GRID1: variants seen among roughly 807,000 people sequenced by gnomAD.
GRID1 encodes the protein glutamate receptor ionotropic, delta-1.
GRID1 carries 28 observed loss-of-function variants against 98.0 expected under a neutral mutation model. The ratio of observed to expected loss-of-function variants is 0.29; its 90% CI spans 0.21 to 0.39. GRID1 has a LOEUF of 0.39. Among genes scored for constraint, GRID1 ranks in the 10% least tolerant of loss-of-function variants. The pLI, the probability that GRID1 is intolerant of heterozygous loss-of-function variation, is 1.00. For synonymous variants in GRID1, 553 were observed against 538.5 expected (o/e 1.03, Z -0.37); for missense variants, 1,111 against 1,340.5 (o/e 0.83, Z 2.67).
At chr10:86,170,876 A>T (rs959055893) in intron 3 of GRID1, among the ~76,000 whole-genome samples, 1 of 152,174 alleles carries the variant, frequency 6.6e-6, no homozygotes, top group African/African-American at 2.4e-5. Flanking sequence ...CATTTAAAAT[A>T]GCATGTTTAC....
chr10:85,851,537 A>T (rs1843058358), intron 8 of GRID1, among the ~76,000 whole-genome samples: 1 of 152,158 alleles, frequency 6.6e-6, no homozygotes, highest in African/African-American at 2.4e-5. Context: ...ACTTAATCTA[A>T]AATGTCTGGG....
intron 4 of GRID1, among the ~76,000 whole-genome samples, chr10:86,106,261 T>C (rs1009336559): frequency 6.6e-6 from 1 of 152,176 alleles, no homozygotes; most frequent in Non-Finnish European, 1.5e-5. Flanking sequence ...ACAGGAAACA[T>C]TAGGTAGGGT....
At chr10:86,233,270 C>A (rs1458843311) in intron 2 of GRID1, among the ~76,000 whole-genome samples, 2 of 151,970 alleles carry the variant, frequency 1.3e-5, no homozygotes, top group Non-Finnish European at 2.9e-5. Flanking sequence ...AGAAGACTAG[C>A]ACTCATATTA....
intron 8 of GRID1, among the ~76,000 whole-genome samples, chr10:85,830,585 A>G (rs1251037934): frequency 6.6e-6 from 1 of 152,080 alleles, no homozygotes; most frequent in Non-Finnish European, 1.5e-5. Flanking sequence ...AAGGTCTAAT[A>G]TCCAGAATCT....
At chr10:85,730,505 T>C (rs1381177900) in intron 8 of GRID1, among the ~76,000 whole-genome samples, 2 of 152,184 alleles carry the variant, frequency 1.3e-5, no homozygotes, top group East Asian at 1.9e-4. Context: ...TGTTAATGCC[T>C]CCTGAGTGCT....
chr10:86,340,167 C>T (rs542187940), intron 2 of GRID1, among the ~76,000 whole-genome samples: 1 of 152,188 alleles, frequency 6.6e-6, no homozygotes, highest in East Asian at 1.9e-4. Context: ...ATGGAAAGCC[C>T]AGGAGTTGCT....
chr10:86,086,389 C>T (rs1258812009), intron 4 of GRID1, among the ~76,000 whole-genome samples: 1 of 152,212 alleles, frequency 6.6e-6, no homozygotes, highest in African/African-American at 2.4e-5. Flanking sequence ...ATCTGCCAAA[C>T]ACTTCCGCAC....
intron 8 of GRID1, among the ~76,000 whole-genome samples, chr10:85,843,232 C>A (rs1017381211): frequency 6.6e-6 from 1 of 151,330 alleles, no homozygotes; most frequent in Non-Finnish European, 1.5e-5. Context: ...CAATTGGATA[C>A]CTATAGGGAA....
chr10:86,130,984 C>G (rs1589381979), intron 4 of GRID1, among the ~76,000 whole-genome samples: 1 of 152,138 alleles, frequency 6.6e-6, no homozygotes, highest in Middle Eastern at 3.4e-3. Flanking sequence ...GAGCCACGTC[C>G]CTATCACACG....
At chr10:86,083,551 T>C (rs1425098736) in intron 4 of GRID1, among the ~76,000 whole-genome samples, 2 of 152,198 alleles carry the variant, frequency 1.3e-5, no homozygotes, top group African/African-American at 4.8e-5. Flanking sequence ...CACGAAGCGA[T>C]GGGGAACAAC....
intron 2 of GRID1, among the ~76,000 whole-genome samples, chr10:86,363,650 C>CG (rs1848633857): frequency 6.6e-6 from 1 of 152,144 alleles, no homozygotes; most frequent in African/African-American, 2.4e-5. Context: ...GCCTGCGCGG[C>CG]CAGCGCTGGG....
intron 12 of GRID1, among the ~76,000 whole-genome samples, chr10:85,658,629 C>A (rs1840929724): frequency 6.6e-6 from 1 of 152,068 alleles, no homozygotes; most frequent in Admixed American, 6.6e-5. Flanking sequence ...AAACACGGTG[C>A]TAGAATGAAG....
intron 4 of GRID1, among the ~76,000 whole-genome samples, chr10:86,046,726 A>G (rs978247097): frequency 6.6e-6 from 1 of 152,174 alleles, no homozygotes; most frequent in South Asian, 2.1e-4. Flanking sequence ...CTATCAAAAA[A>G]GGAAATACCA....
chr10:86,088,633 G>A (rs1490685514), intron 4 of GRID1, among the ~76,000 whole-genome samples: 1 of 152,170 alleles, frequency 6.6e-6, no homozygotes, highest in Non-Finnish European at 1.5e-5. Flanking sequence ...CCAGAGTGGG[G>A]ACTTCTGCTC....
At chr10:86,018,500 C>T (rs867708752) in intron 4 of GRID1, among the ~76,000 whole-genome samples, 4 of 152,226 alleles carry the variant, frequency 2.6e-5, no homozygotes, top group Non-Finnish European at 2.9e-5. Flanking sequence ...CACAGCATGA[C>T]AACCTGTCTC....
At chr10:85,948,637 G>A (rs1455518815) in intron 4 of GRID1, among the ~76,000 whole-genome samples, 2 of 152,166 alleles carry the variant, frequency 1.3e-5, no homozygotes, top group Non-Finnish European at 2.9e-5. Flanking sequence ...AATTGACACA[G>A]AAATTTAAAG....
chr10:85,788,835 T>G (rs77893358), intron 8 of GRID1, among the ~76,000 whole-genome samples: 5,024 of 152,268 alleles, frequency 0.033, 125 homozygotes, highest in Non-Finnish European at 0.047. Flanking sequence ...GGCTTTCAGC[T>G]GCTTTGGAGA....
intron 4 of GRID1, among the ~76,000 whole-genome samples, chr10:86,108,989 T>C (rs113447794): frequency 0.034 from 5,131 of 152,170 alleles, 325 homozygotes; most frequent in African/African-American, 0.12. Flanking sequence ...TTCACTGAGT[T>C]CTCACTGCAG....
intron 4 of GRID1, among the ~76,000 whole-genome samples, chr10:86,007,821 T>TA (rs879937716): frequency 0.01 from 1,463 of 141,440 alleles, 16 homozygotes; most frequent in South Asian, 0.026. Context: ...TTTTTGTGTT[T>TA]TTTTATTTAT....
Sources: gnomAD v4.1 joint callset for allele counts (sites outside exome capture counted in the v4.1 genomes callset) on GRCh38, gnomAD v4.1.1 for gene constraint, MANE v1.5 for transcripts, NCBI Gene and HGNC (gene_info 2026-07-23, HGNC 2026-07-21) for gene names.